The following TRAF3IP1 variants were observed in gnomAD, a reference collection of about 807,000 sequenced individuals.
The protein encoded by TRAF3IP1 is TRAF3-interacting protein 1.
Under a neutral mutation model 89.9 loss-of-function variants are expected in TRAF3IP1, and 53 were observed. The ratio of observed to expected loss-of-function variants is 0.59; its 90% CI spans 0.47 to 0.74. TRAF3IP1 has a LOEUF of 0.74. Among genes scored for constraint, TRAF3IP1 ranks in the 30% least tolerant of loss-of-function variants. TRAF3IP1 has a pLI of 0.00. For missense variants in TRAF3IP1, 806 were observed against 866.1 expected (o/e 0.93, Z 0.87); for synonymous variants, 311 against 322.1 (o/e 0.97, Z 0.37).
At chr2:238,330,847 C>A (rs1401334419) in intron 5 of TRAF3IP1, among the ~76,000 whole-genome samples, 5 of 152,166 alleles carry the variant, frequency 3.3e-5, no homozygotes, top group Admixed American at 2.0e-4. Context: ...ACTCTTTCCC[C>A]CTCCACTGCA....
At chr2:238,338,937 C>T (rs1327934782) in intron 8 of TRAF3IP1, among the ~76,000 whole-genome samples, 1 of 152,214 alleles carries the variant, frequency 6.6e-6, no homozygotes, top group Admixed American at 6.5e-5. Context: ...GTCCTGCTGC[C>T]TCAGAGGGGG....
At chr2:238,341,547 A>C (rs13030010) in intron 8 of TRAF3IP1, among the ~76,000 whole-genome samples, 2 of 131,360 alleles carry the variant, frequency 1.5e-5, no homozygotes, top group South Asian at 2.4e-4. Context: ...TTTTTTTTTT[A>C]AAAAAAAAAC....
At chr2:238,356,879 C>T (rs1055519375) in intron 15 of TRAF3IP1, among the ~76,000 whole-genome samples, 7 of 151,436 alleles carry the variant, frequency 4.6e-5, no homozygotes, top group Admixed American at 2.6e-4. Flanking sequence ...CCCGGGTTCA[C>T]GCCATTCTCC....
intron 15 of TRAF3IP1, among the ~76,000 whole-genome samples, chr2:238,378,592 A>G (rs1472150657): frequency 1.3e-5 from 2 of 152,204 alleles, no homozygotes; most frequent in East Asian, 3.8e-4. Context: ...TCTATATTAA[A>G]GTGGAATTGG....
intron 15 of TRAF3IP1, among the ~76,000 whole-genome samples, chr2:238,361,828 C>T (rs746601145): frequency 5.9e-5 from 9 of 152,166 alleles, no homozygotes; most frequent in Non-Finnish European, 1.3e-4. Context: ...TATTGATCTT[C>T]GCTTGACTTG....
At chr2:238,348,082 A>G (rs898347739) in intron 10 of TRAF3IP1, among the ~76,000 whole-genome samples, 9 of 152,204 alleles carry the variant, frequency 5.9e-5, no homozygotes, top group African/African-American at 1.9e-4. Flanking sequence ...ATAGTGGAGT[A>G]AACTTGTCTT....
chr2:238,368,157 C>G (rs1240919974), intron 15 of TRAF3IP1, among the ~76,000 whole-genome samples: 3 of 152,160 alleles, frequency 2.0e-5, no homozygotes, highest in Non-Finnish European at 4.4e-5. Context: ...AGAGCTATCA[C>G]TAGAGGAACA....
intron 8 of TRAF3IP1, among the ~76,000 whole-genome samples, chr2:238,339,734 C>T (rs1181153751): frequency 8.5e-5 from 13 of 152,248 alleles, no homozygotes; most frequent in African/African-American, 2.9e-4. Flanking sequence ...GTGGCTTGCC[C>T]CAGGCACGCC....
At chr2:238,373,226 G>A (rs1700180996) in intron 15 of TRAF3IP1, among the ~76,000 whole-genome samples, 1 of 152,148 alleles carries the variant, frequency 6.6e-6, no homozygotes, top group Non-Finnish European at 1.5e-5. Context: ...GTCCTGAATG[G>A]TATTGCCTAG....
chr2:238,329,430 T>C, intron 5 of TRAF3IP1, 88 bp downstream of exon 5: 1 of 1,204,128 alleles, frequency 8.3e-7, no homozygotes, highest in East Asian at 2.8e-5. Flanking sequence ...ACAATATGAC[T>C]AGGAAACTGG....
At chr2:238,338,996 G>A (rs141691294) in intron 8 of TRAF3IP1, among the ~76,000 whole-genome samples, 6 of 152,242 alleles carry the variant, frequency 3.9e-5, no homozygotes, top group South Asian at 2.1e-4. Flanking sequence ...GACTTCAGAC[G>A]GAATTCTTCA....
At position 238,347,186 on chromosome 2, in the gene TRAF3IP1, G is replaced by A. The variant is rs1191643765; in HGVS notation, c.1262-269G>A. 11 of 404,588 alleles carry A rather than the reference G, an allele frequency of 2.7e-5. No individual in the cohort carries two copies. In the East Asian group the frequency reaches 4.0e-4, roughly 15 times the overall value. The allele number at this position is 404,588 out of a possible 1,614,324, so 25.1% of individuals were successfully genotyped here. A position where few individuals can be genotyped will look rare whatever the true frequency, so the allele number is the denominator to read the frequency against. On this transcript the variant is annotated intron_variant, in intron 9 of 16. Transcript: ENST00000373327. ...TCATGAACTTGTTAACTTCCTCTCC[G>A]ATGTGCTTTCTCCACATCCCTGTGT... is the stretch of plus-strand genomic sequence containing the variant.
rs1699165682 is a variant in TRAF3IP1, at chr2:238,351,790, T to A, written c.1452-1037T>A. 1.3e-5 allele frequency among the ~76,000 whole-genome samples: 2 copies of A among 151,858 alleles called. No individual in the cohort carries two copies. The highest frequency in any genetic ancestry group is 6.6e-5 in the Admixed American group (1 of 15,258). The stretch of plus-strand genomic sequence containing the variant: ...AGAGGTCGTTCCCAAGTGTCTACAT[T>A]CCCTCTGGACCTTGTGCATGGCACT... On this transcript the variant is annotated intron_variant, in intron 12 of 16. Transcript: ENST00000373327. This position sits in a 1 kb window ranked among gnomAD's most constrained non-coding sequence, Gnocchi z 5.2.
intron 10 of TRAF3IP1, among the ~76,000 whole-genome samples, chr2:238,348,483 T>C (rs189308510): frequency 6.6e-6 from 1 of 152,172 alleles, no homozygotes; most frequent in African/African-American, 2.4e-5. Context: ...AGTGCTCAGT[T>C]GATCAGCCTG....
chr2:238,351,866 T>TGTGC lies in TRAF3IP1; in HGVS notation c.1452-960_1452-959insTGCG, dbSNP rs1421537563. ...GTGTGTGTGTGTGTGTGTGTGTGTG[T>TGTGC]GCGCGCGCGCGCGTGTGCGTGCATG... On this transcript the variant is annotated intron_variant, in intron 12 of 16. Coordinates refer to ENST00000373327, the MANE Select transcript of TRAF3IP1 (RefSeq NM_015650.4). The surrounding 1 kb of genome is among the most constrained non-coding windows in gnomAD (Gnocchi z 5.2). Among the ~76,000 whole-genome samples, 147 of 128,242 alleles carry TGTGC rather than the reference T, an allele frequency of 1.1e-3. 2 individuals carry two copies. In the East Asian group the frequency reaches 0.014, roughly 13 times the overall value. The allele number at this position is 128,242 out of a possible 152,430, so 84.1% of individuals were successfully genotyped here. A position where few individuals can be genotyped will look rare whatever the true frequency, so the allele number is the denominator to read the frequency against.
intron 1 of TRAF3IP1, among the ~76,000 whole-genome samples, chr2:238,321,611 A>G (rs1233511733): frequency 4.6e-5 from 7 of 152,150 alleles, no homozygotes. Context: ...GGTGATCTGC[A>G]CTGGGTAAGG....
chr2:238,336,333 C>T, intron 7 of TRAF3IP1, among the ~76,000 whole-genome samples: 1 of 152,190 alleles, frequency 6.6e-6, no homozygotes, highest in East Asian at 1.9e-4. Flanking sequence ...CTGTCTTCCC[C>T]TCCTGCTAGC....
At chr2:238,362,775 C>T (rs536319110) in intron 15 of TRAF3IP1, among the ~76,000 whole-genome samples, 20 of 152,350 alleles carry the variant, frequency 1.3e-4, no homozygotes, top group African/African-American at 3.6e-4. Context: ...CTGCCATGCT[C>T]AGAAAATGGT....
intron 15 of TRAF3IP1, among the ~76,000 whole-genome samples, chr2:238,391,412 C>G (rs767768384): frequency 1.5e-4 from 23 of 152,208 alleles, no homozygotes; most frequent in Non-Finnish European, 3.1e-4. Flanking sequence ...CAACATATAA[C>G]TCGAGGTCTG....
Sources: allele counts gnomAD v4.1 joint callset (sites outside exome capture counted in the v4.1 genomes callset), GRCh38; gene constraint gnomAD v4.1.1; non-coding constraint Gnocchi (gnomAD v3.1); transcripts MANE v1.5; gene names NCBI Gene and HGNC (gene_info 2026-07-23, HGNC 2026-07-21).